The following ARHGEF4 variants were observed in gnomAD, a reference collection of about 807,000 sequenced individuals.
ARHGEF4 encodes Rho guanine nucleotide exchange factor 4.
A neutral mutation model predicts 162.0 loss-of-function variants in ARHGEF4; 119 were observed. That is an observed-to-expected ratio of 0.73 (90% CI 0.63 to 0.86). The LOEUF is 0.86. Ranked by LOEUF, ARHGEF4 falls within the 40% of genes least tolerant of loss-of-function variation. The pLI is 0.00. For missense variants in ARHGEF4, 2,488 were observed against 2,456.0 expected (o/e 1.01, Z -0.28); for synonymous variants, 1,014 against 979.9 (o/e 1.03, Z -0.65).
chr2:131,042,593 CA>C (rs1353933131), intron 10 of ARHGEF4, among the ~76,000 whole-genome samples: 5 of 152,212 alleles, frequency 3.3e-5, no homozygotes, highest in Admixed American at 3.3e-4. Context: ...AGCCACAGAA[CA>C]TTATGAAAAT....
At chr2:130,864,757 A>T (rs1377641203) in intron 1 of ARHGEF4, among the ~76,000 whole-genome samples, 1 of 152,246 alleles carries the variant, frequency 6.6e-6, no homozygotes, top group African/African-American at 2.4e-5. Flanking sequence ...TACAGCAAGT[A>T]TTAGTACAAA....
At position 131,024,314 on chromosome 2, in the gene ARHGEF4, C is replaced by T. The variant is rs137956959; in HGVS notation, c.3986-3631C>T. Among the ~76,000 whole-genome samples, 573 of 152,280 alleles carry T rather than the reference C, an allele frequency of 3.8e-3. 2 individuals carry two copies. The highest frequency in any genetic ancestry group is 4.2e-3 in the Non-Finnish European group (288 of 68,036). Reference sequence around the variant, plus strand: ...GTTTTGAGACAGAATCTTGCTCCATCGCCCAGGTTGGAGTGCAGTGGAGCG... The same window carrying T: ...GTTTTGAGACAGAATCTTGCTCCATTGCCCAGGTTGGAGTGCAGTGGAGCG... On this transcript the variant is annotated intron_variant, in intron 4 of 13. Coordinates refer to ENST00000409359, the MANE Select transcript of ARHGEF4 (RefSeq NM_001367493.1).
At chr2:130,838,686 A>C (rs1680388225) in intron 1 of ARHGEF4, among the ~76,000 whole-genome samples, 1 of 152,148 alleles carries the variant, frequency 6.6e-6, no homozygotes, top group African/African-American at 2.4e-5. Context: ...AAGAAACGTG[A>C]GTGTGTTTAT....
intron 4 of ARHGEF4, among the ~76,000 whole-genome samples, chr2:130,965,030 A>G (rs1684913782): frequency 6.6e-6 from 1 of 152,210 alleles, no homozygotes; most frequent in South Asian, 2.1e-4. Context: ...CAAATATTGT[A>G]GCTTCTGCAG....
rs777163056 is a variant in ARHGEF4, at chr2:131,027,980, G to A, written c.4021G>A (p.Ala1341Thr). 90 of 1,614,062 alleles carry A rather than the reference G, an allele frequency of 5.6e-5. No homozygotes were observed. The highest frequency in any genetic ancestry group is 2.5e-4 in the East Asian group (11 of 44,886). The change falls in exon 5 of 14, where the codon GCT (alanine) becomes ACT (threonine). Residue 1341 changes from alanine (A) to threonine (T), a missense_variant. Transcript: ENST00000409359. ...PDGALDTAVC[A>T]DEVGSEEDLY... is the part of the protein sequence containing the mutation. ...TGGAGCTCTGGACACAGCTGTCTGC[G>A]CTGACGAAGTGGGGAGCGAGGAGGA...
chr2:131,035,656 C>G (rs1477029256), intron 5 of ARHGEF4: 2 of 989,062 alleles, frequency 2.0e-6, no homozygotes. Context: ...GTGGAAGACC[C>G]CCGGGCACCG....
intron 1 of ARHGEF4, among the ~76,000 whole-genome samples, chr2:130,841,334 G>A (rs935543971): frequency 6.6e-6 from 1 of 150,920 alleles, no homozygotes; most frequent in African/African-American, 2.4e-5. Flanking sequence ...AAAGTGCTGG[G>A]ATTACAAGCA....
At chr2:131,041,515 C>A in intron 9 of ARHGEF4, 53 bp downstream of exon 9, 2 of 1,545,420 alleles carry the variant, frequency 1.3e-6, no homozygotes, top group South Asian at 1.2e-5. Context: ...TGCCTCCAGT[C>A]AGCCAGTTTG....
At chr2:130,860,688 C>G (rs1403072723) in intron 1 of ARHGEF4, among the ~76,000 whole-genome samples, 1 of 116,286 alleles carries the variant, frequency 8.6e-6, no homozygotes, top group Non-Finnish European at 1.6e-5. Context: ...CCAGCCTGGG[C>G]GACAGAGCGA....
At chr2:130,912,907 G>A (rs1203949889) in intron 1 of ARHGEF4, among the ~76,000 whole-genome samples, 1 of 152,188 alleles carries the variant, frequency 6.6e-6, no homozygotes, top group Non-Finnish European at 1.5e-5. Context: ...TTTTGAGAGA[G>A]AGAGAGACCA....
intron 4 of ARHGEF4, among the ~76,000 whole-genome samples, chr2:131,025,118 G>C (rs902028237): frequency 3.9e-5 from 6 of 152,200 alleles, no homozygotes; most frequent in Non-Finnish European, 7.4e-5. Flanking sequence ...GGTTTAATTG[G>C]CTCACAGTTC....
intron 1 of ARHGEF4, among the ~76,000 whole-genome samples, chr2:130,888,419 C>T (rs549192956): frequency 6.6e-6 from 1 of 151,372 alleles, no homozygotes; most frequent in Non-Finnish European, 1.5e-5. Flanking sequence ...TGCAGTGAAC[C>T]GAGATCACAC....
chr2:130,933,992 G>A (rs969268432), intron 3 of ARHGEF4, among the ~76,000 whole-genome samples: 7 of 151,166 alleles, frequency 4.6e-5, no homozygotes, highest in South Asian at 2.1e-4. Flanking sequence ...ATGGGGTGTC[G>A]TTGTCTTCTT....
chr2:130,927,894 A>C (rs1682392672), intron 2 of ARHGEF4, among the ~76,000 whole-genome samples: 1 of 152,200 alleles, frequency 6.6e-6, no homozygotes, highest in Non-Finnish European at 1.5e-5. Flanking sequence ...CTTGTCCAGA[A>C]TTGGAAGTTT....
intron 4 of ARHGEF4, among the ~76,000 whole-genome samples, chr2:131,024,281 CG>C (rs1314590894): frequency 6.6e-6 from 1 of 151,926 alleles, no homozygotes; most frequent in African/African-American, 2.4e-5. Context: ...GTTTTTTGGG[CG>C]GGGGGTGTTT....
At chr2:130,993,386 G>C (rs1010800651) in intron 4 of ARHGEF4, among the ~76,000 whole-genome samples, 3 of 152,016 alleles carry the variant, frequency 2.0e-5, no homozygotes, top group African/African-American at 7.3e-5. Context: ...GAAACCTTTT[G>C]AAACTGCATT....
intron 3 of ARHGEF4, among the ~76,000 whole-genome samples, chr2:130,943,518 C>G (rs945639643): frequency 1.3e-5 from 2 of 152,028 alleles, no homozygotes; most frequent in Non-Finnish European, 2.9e-5. Flanking sequence ...TTGCATTGCT[C>G]TGTTTCCTTT....
intron 4 of ARHGEF4, among the ~76,000 whole-genome samples, chr2:130,975,627 C>T (rs561980096): frequency 6.6e-6 from 1 of 152,208 alleles, no homozygotes; most frequent in African/African-American, 2.4e-5. Flanking sequence ...CCACCTGTGC[C>T]GCCCAGAAGG....
At chr2:130,943,911 A>G (rs1026969828) in intron 3 of ARHGEF4, among the ~76,000 whole-genome samples, 1 of 152,174 alleles carries the variant, frequency 6.6e-6, no homozygotes, top group Non-Finnish European at 1.5e-5. Context: ...CTGAAGTTCA[A>G]AGTTTCCCTC....
Sources: gnomAD v4.1 joint callset for allele counts (sites outside exome capture counted in the v4.1 genomes callset) on GRCh38, gnomAD v4.1.1 for gene constraint, MANE v1.5 for transcripts, NCBI Gene and HGNC (gene_info 2026-07-23, HGNC 2026-07-21) for gene names.